Variants in RAE1 observed in about 807,000 individuals in gnomAD.
The protein encoded by RAE1 is ribonucleic acid export 1, also known as mRNA export factor RAE1.
Under a neutral mutation model 52.7 loss-of-function variants are expected in RAE1, and 13 were observed. The observed-to-expected ratio is 0.25, with a 90% CI of 0.16 to 0.39. RAE1 has a LOEUF of 0.39. RAE1 is among the 10% of genes least tolerant of loss of function. The pLI is 1.00. For missense variants in RAE1, 262 were observed against 459.8 expected, an observed-to-expected ratio of 0.57 and a Z score of 3.93; for synonymous variants, 164 against 153.1, an observed-to-expected ratio of 1.07 and a Z score of -0.52.
Position 57,356,440 on chromosome 20 carries a change from C to G in RAE1, c.196-6C>G, listed in dbSNP as rs1420855997. ...TTGTTTGCATTGAATTTTTTTGTTA[C>G]TACAGGTTCGCTGCTGGGAAGTTCA... On this transcript the variant is annotated splice_region_variant and splice_polypyrimidine_tract_variant and intron_variant, in intron 3 of 11. Transcript: ENST00000395841. 1 of 1,608,640 alleles carries G rather than the reference C, an allele frequency of 6.2e-7. No homozygotes were observed. The highest frequency in any genetic ancestry group is 8.5e-7 in the Non-Finnish European group (1 of 1,176,268).
At chr20:57,377,646 T>G (rs2426710) in intron 11 of RAE1, among the ~76,000 whole-genome samples, 3 of 152,038 alleles carry the variant, frequency 2.0e-5, no homozygotes, top group African/African-American at 7.2e-5. Flanking sequence ...GCAGGTCAGA[T>G]GTCCTCCTTT....
intron 4 of RAE1, among the ~76,000 whole-genome samples, chr20:57,363,101 A>G (rs2066911297): frequency 6.6e-6 from 1 of 152,218 alleles, no homozygotes; most frequent in Non-Finnish European, 1.5e-5. Context: ...GATTCTTGAA[A>G]AGTAAACCAT....
chr20:57,366,923 C>T (rs374819414), intron 6 of RAE1, 30 bp downstream of exon 6: 9 of 1,589,118 alleles, frequency 5.7e-6, no homozygotes, highest in East Asian at 4.5e-5. Context: ...CATTGTTTGG[C>T]CCCATCAGGA....
intron 3 of RAE1, 55 bp downstream of exon 3, chr20:57,354,871 G>A: frequency 7.4e-7 from 1 of 1,346,132 alleles, no homozygotes; most frequent in African/African-American, 1.5e-5. Context: ...TATGGCCAAG[G>A]TTAGCTTTAG....
intron 8 of RAE1, chr20:57,372,502 G>A (rs1236086620): frequency 2.6e-5 from 4 of 152,366 alleles, no homozygotes; most frequent in Admixed American, 2.0e-4. Context: ...ACCCTGTGCT[G>A]ATGACCAGCC....
chr20:57,366,703 C>T (rs1174210400), intron 5 of RAE1, 104 bp from the exon 6 acceptor site: 1 of 1,106,120 alleles, frequency 9.0e-7, no homozygotes, highest in Non-Finnish European at 1.4e-6. Context: ...TTGGTATGGC[C>T]CCAGTATTTA....
At chr20:57,360,703 C>G (rs2066879150) in intron 4 of RAE1, among the ~76,000 whole-genome samples, 3 of 152,148 alleles carry the variant, frequency 2.0e-5, no homozygotes, top group Non-Finnish European at 2.9e-5. Context: ...CTCTTTACGC[C>G]AAGTTCTATT....
In RAE1 at chr20:57,378,208, A is replaced by T; in HGVS notation, c.*109A>T. 1.1e-6 allele frequency: 1 copy of T among 900,930 alleles called. No homozygotes were observed. Among genetic ancestry groups the T allele is most frequent in the East Asian group, 2.7e-5 (1 of 37,074 alleles). The allele number at this position is 900,930 out of a possible 1,614,324, so 55.8% of individuals were successfully genotyped here. A position where few individuals can be genotyped will look rare whatever the true frequency, so the allele number is the denominator to read the frequency against. ...GTTGTCAGCCATGGACATGGATTTC[A>T]ACCCCTGGAGAAAACGATGTCATTG... On this transcript the variant is annotated 3_prime_UTR_variant, in exon 12 of 12. Coordinates refer to ENST00000395841, the MANE Select transcript of RAE1 (RefSeq NM_003610.4).
intron 8 of RAE1, 63 bp from the exon 9 acceptor site, chr20:57,373,412 T>A: frequency 6.7e-7 from 1 of 1,495,642 alleles, no homozygotes; most frequent in Non-Finnish European, 9.2e-7. Flanking sequence ...TGACTTACCT[T>A]CACGTTAGTC....
At chr20:57,373,087 T>C (rs1258501528) in intron 8 of RAE1, 2 of 240,400 alleles carry the variant, frequency 8.3e-6, no homozygotes, top group Non-Finnish European at 1.7e-5. Flanking sequence ...CTCCTCCAGC[T>C]GGGGAGGCAG....
At chr20:57,353,918 A>C in intron 1 of RAE1, 114 bp from the exon 2 acceptor site, 1 of 867,462 alleles carries the variant, frequency 1.2e-6, no homozygotes, top group Non-Finnish European at 1.8e-6. Flanking sequence ...TGAAAAGTGA[A>C]GCCTGGCCTC....
chr20:57,351,512 G>A (rs1167878678), intron 1 of RAE1, 90 bp downstream of exon 1: 6 of 985,380 alleles, frequency 6.1e-6, no homozygotes, highest in East Asian at 2.3e-4. Context: ...GCTTCTGCGG[G>A]ATGCTGGGGC....
In RAE1 at chr20:57,368,733, C is replaced by T. The variant is rs1465068406; in HGVS notation, c.563C>T (p.Ala188Val). Residue 188 changes from alanine to valine, a missense_variant, in exon 8 of 12, where the codon GCA becomes GTA. By Grantham distance (64) the Ala-to-Val change is moderately conservative. Transcript: ENST00000395841. ...VIYPMAVVAT[A>V]ERGLIVYQLE... ...TACCCCATGGCTGTGGTGGCAACTG[C>T]AGAGAGGGGCCTGATTGTCTATCAG... 6.2e-7 allele frequency: 1 copy of T among 1,613,692 alleles called. No homozygotes were observed. The highest frequency in any genetic ancestry group is 1.7e-5 in the Admixed American group (1 of 59,990).
At chr20:57,377,200 G>C (rs536739096) in intron 11 of RAE1, among the ~76,000 whole-genome samples, 90 of 152,314 alleles carry the variant, frequency 5.9e-4, no homozygotes, top group African/African-American at 1.9e-3. Context: ...GAATAAAAAT[G>C]TGTCATCAGA....
At chr20:57,351,887 A>G in intron 1 of RAE1, 1 of 985,466 alleles carries the variant, frequency 1.0e-6, no homozygotes, top group Non-Finnish European at 1.2e-6. Flanking sequence ...GTATACGTAT[A>G]TAGGTGCCAC....
intron 8 of RAE1, 51 bp from the exon 9 acceptor site, chr20:57,373,424 T>G: frequency 3.9e-6 from 6 of 1,553,948 alleles, no homozygotes; most frequent in Non-Finnish European, 5.3e-6. Context: ...ACGTTAGTCA[T>G]GAAATCTTAT....
At chr20:57,370,545 G>T (rs949563718) in intron 8 of RAE1, among the ~76,000 whole-genome samples, 58 of 152,258 alleles carry the variant, frequency 3.8e-4, no homozygotes, top group Admixed American at 3.2e-3. Flanking sequence ...CTGTGCTCCT[G>T]ACATGGACAC....
At chr20:57,361,460 A>G (rs555060777) in intron 4 of RAE1, among the ~76,000 whole-genome samples, 1 of 152,250 alleles carries the variant, frequency 6.6e-6, no homozygotes, top group African/African-American at 2.4e-5. Context: ...GGTTTGGCAA[A>G]GGTATGTTTA....
rs1017546541 is a variant in RAE1 at position 57,351,335 on chromosome 20, C to T, written c.-95C>T. The T allele has an allele frequency of 3.9e-5, 38 of 985,326 alleles. No homozygotes were observed. The highest frequency in any genetic ancestry group is 4.2e-5 in the Non-Finnish European group (35 of 829,946). The allele number at this position is 985,326 out of a possible 1,614,324, so 61.0% of individuals were successfully genotyped here. On this transcript the variant is annotated 5_prime_UTR_variant, in exon 1 of 12. Coordinates refer to ENST00000395841, the MANE Select transcript of RAE1 (RefSeq NM_003610.4). ...CTGGGATTTCTGTCCGCGCTCCTGG[C>T]CCTCGTCCTTCGCGCCAGAGCAGGT... is the stretch of plus-strand genomic sequence containing the variant.
Sources: gnomAD v4.1 joint callset for allele counts (sites outside exome capture counted in the v4.1 genomes callset) on GRCh38, gnomAD v4.1.1 for gene constraint, MANE v1.5 for transcripts, NCBI Gene and HGNC (gene_info 2026-07-23, HGNC 2026-07-21) for gene names.